APBB2: variants seen among roughly 807,000 people sequenced by gnomAD.
The protein encoded by APBB2 is Fe65-like 1.
APBB2 carries 38 observed loss-of-function variants against 82.5 expected under a neutral mutation model. The ratio of observed to expected loss-of-function variants is 0.46; its 90% CI spans 0.36 to 0.60. APBB2 has a LOEUF of 0.60. Among genes scored for constraint, APBB2 ranks in the 20% least tolerant of loss-of-function variants. The probability of loss-of-function intolerance (pLI) is 0.00; values close to 1 mark genes in which losing one functional copy is unlikely to be tolerated. For synonymous variants in APBB2, 341 were observed against 368.2 expected (o/e 0.93, Z 0.85); for missense variants, 772 against 972.3 (o/e 0.79, Z 2.74).
At chr4:41,120,609 G>A (rs1752520872) in intron 2 of APBB2, among the ~76,000 whole-genome samples, 1 of 152,184 alleles carries the variant, frequency 6.6e-6, no homozygotes, top group Non-Finnish European at 1.5e-5. Context: ...CCCTGAGCCA[G>A]CCCTCCAATT....
At chr4:40,950,852 AT>A (rs1380145585) in intron 6 of APBB2, among the ~76,000 whole-genome samples, 4 of 152,276 alleles carry the variant, frequency 2.6e-5, no homozygotes, top group Admixed American at 6.5e-5. Context: ...CAAAAAAAAA[AT>A]AATTAAAAAA....
chr4:41,086,975 A>C (rs1739985698), intron 3 of APBB2, among the ~76,000 whole-genome samples: 1 of 152,062 alleles, frequency 6.6e-6, no homozygotes, highest in African/African-American at 2.4e-5. Context: ...ATAAGATAAA[A>C]GTCAAATAAA....
intron 10 of APBB2, among the ~76,000 whole-genome samples, chr4:40,910,270 C>G (rs1197431166): frequency 2.0e-5 from 3 of 151,928 alleles, no homozygotes; most frequent in African/African-American, 7.3e-5. Context: ...AGGGGTCTTG[C>G]TTTGTTGCCC....
chr4:40,983,767 G>A (rs1490737605), intron 6 of APBB2, among the ~76,000 whole-genome samples: 1 of 152,226 alleles, frequency 6.6e-6, no homozygotes, highest in Non-Finnish European at 1.5e-5. Context: ...TGGTAAAGAC[G>A]GGGTTCCACA....
intron 1 of APBB2, among the ~76,000 whole-genome samples, chr4:41,167,922 C>T (rs1767113470): frequency 6.6e-6 from 1 of 152,230 alleles, no homozygotes. Context: ...GGTGCTTTTC[C>T]ACAGCCTACC....
At position 41,207,547 on chromosome 4, in the gene APBB2, T is replaced by C. The variant is rs1580842679; in HGVS notation, c.-417+6858A>G. 2.0e-5 allele frequency among the ~76,000 whole-genome samples: 3 copies of C among 152,332 alleles called. No individual in the cohort carries two copies. The East Asian group carries it at 5.8e-4, about 29-fold the overall frequency. On this transcript the variant is annotated intron_variant, in intron 1 of 17. Coordinates refer to ENST00000508593, the MANE Select transcript of APBB2 (RefSeq NM_004307.2). ...ACATCTTGAGGTTCACCTGCTGAAA[T>C]TCACACTTCAACCACTTGCCCATTC...
At chr4:41,032,450 A>C (rs1717176771) in intron 5 of APBB2, among the ~76,000 whole-genome samples, 1 of 151,500 alleles carries the variant, frequency 6.6e-6, no homozygotes, top group African/African-American at 2.4e-5. Flanking sequence ...TGTTTTCCTA[A>C]GGCCTGAAAT....
At chr4:41,125,761 T>G (rs188532396) in intron 2 of APBB2, among the ~76,000 whole-genome samples, 8 of 152,272 alleles carry the variant, frequency 5.3e-5, no homozygotes, top group Non-Finnish European at 1.0e-4. Context: ...ACCCTACACA[T>G]TTACTGTGAA....
In APBB2 at chr4:40,957,859, C is replaced by G. The variant is rs553682407; in HGVS notation, c.836-12786G>C. Among the ~76,000 whole-genome samples the G allele has an allele frequency of 3.3e-5, 5 of 152,286 alleles. No individual in the cohort carries two copies. The East Asian group carries it at 7.7e-4, about 24-fold the overall frequency. On this transcript the variant is annotated intron_variant, in intron 6 of 17. Coordinates refer to ENST00000508593, the MANE Select transcript of APBB2 (RefSeq NM_004307.2). The stretch of plus-strand genomic sequence containing the variant: ...TTGGCCTCCCAAAGTGCTGGGATTA[C>G]AGGCATGAGCCACCACACCCGGCCT...
intron 9 of APBB2, 22 bp from the exon 10 acceptor site, chr4:40,934,538 T>C (rs759921390): frequency 6.2e-7 from 1 of 1,613,858 alleles, no homozygotes; most frequent in East Asian, 2.2e-5. Context: ...AACAGAAAAG[T>C]GGACTTAGAA....
chr4:40,834,330 A>G (rs2465578), intron 12 of APBB2, among the ~76,000 whole-genome samples: 127,041 of 151,976 alleles, frequency 0.84, 53,603 homozygotes, highest in African/African-American at 0.92. Context: ...AACATATCCC[A>G]AGTCCCTAAA....
intron 10 of APBB2, among the ~76,000 whole-genome samples, chr4:40,902,542 G>T (rs978415066): frequency 6.6e-6 from 1 of 152,034 alleles, no homozygotes; most frequent in African/African-American, 2.4e-5. Context: ...TTTTGTTTTT[G>T]TATTTTTTTG....
intron 6 of APBB2, among the ~76,000 whole-genome samples, chr4:40,979,859 T>A (rs938370377): frequency 6.6e-6 from 1 of 152,236 alleles, no homozygotes; most frequent in Non-Finnish European, 1.5e-5. Flanking sequence ...CAACAGAGCA[T>A]GCAGCTCATC....
intron 6 of APBB2, among the ~76,000 whole-genome samples, chr4:40,970,036 A>G (rs1307919191): frequency 1.3e-5 from 2 of 152,186 alleles, no homozygotes; most frequent in Admixed American, 6.5e-5. Flanking sequence ...AAACCTGCCT[A>G]CGTCAGAGGG....
At chr4:40,887,328 C>T (rs1560797609) in intron 12 of APBB2, among the ~76,000 whole-genome samples, 2 of 152,184 alleles carry the variant, frequency 1.3e-5, no homozygotes, top group Non-Finnish European at 2.9e-5. Context: ...AAAGATTTTG[C>T]GCCCTTCATG....
At chr4:40,982,401 GA>G (rs1467599466) in intron 6 of APBB2, among the ~76,000 whole-genome samples, 11 of 3,702 alleles carry the variant, frequency 3.0e-3, no homozygotes, top group East Asian at 0.026. Context: ...GAAAGGAAAG[GA>G]AAGAAAGAAA....
chr4:41,010,509 T>G (rs1319597974), intron 6 of APBB2, among the ~76,000 whole-genome samples: 1 of 152,114 alleles, frequency 6.6e-6, no homozygotes, highest in Non-Finnish European at 1.5e-5. Context: ...GAGGGGCCCC[T>G]GAAAGTCTTC....
chr4:41,198,262 T>C, intron 1 of APBB2, among the ~76,000 whole-genome samples: 1 of 152,194 alleles, frequency 6.6e-6, no homozygotes, highest in Non-Finnish European at 1.5e-5. Context: ...TTCATGTTAA[T>C]GGAGGAATAA....
intron 1 of APBB2, among the ~76,000 whole-genome samples, chr4:41,204,575 G>C (rs1397573646): frequency 2.6e-5 from 4 of 152,182 alleles, no homozygotes; most frequent in Admixed American, 2.6e-4. Flanking sequence ...TGCTCGTCTG[G>C]GAAGCACTGA....
Sources: gnomAD v4.1 joint callset for allele counts (sites outside exome capture counted in the v4.1 genomes callset) on GRCh38, gnomAD v4.1.1 for gene constraint, MANE v1.5 for transcripts, NCBI Gene and HGNC (gene_info 2026-07-23, HGNC 2026-07-21) for gene names.